SORCS1: variants seen among roughly 807,000 people sequenced by gnomAD.
SORCS1 encodes sortilin related VPS10 domain containing receptor 1.
A neutral mutation model predicts 146.1 loss-of-function variants in SORCS1; 60 were observed. That is an observed-to-expected ratio of 0.41 (90% CI 0.33 to 0.51). The LOEUF is 0.51. Ranked by LOEUF, SORCS1 falls within the 20% of genes least tolerant of loss-of-function variation. SORCS1 has a pLI of 0.21. For synonymous variants in SORCS1, 637 were observed against 584.0 expected, an observed-to-expected ratio of 1.09 and a Z score of -1.31; for missense variants, 1,352 against 1,487.6, an observed-to-expected ratio of 0.91 and a Z score of 1.50.
At chr10:107,016,647 C>A (rs1402052437) in intron 1 of SORCS1, among the ~76,000 whole-genome samples, 2 of 152,174 alleles carry the variant, frequency 1.3e-5, no homozygotes, top group East Asian at 3.8e-4. Context: ...GACACTTAAG[C>A]ACTAACCATA....
At chr10:106,765,717 A>G (rs1378962021) in intron 4 of SORCS1, among the ~76,000 whole-genome samples, 4 of 151,928 alleles carry the variant, frequency 2.6e-5, no homozygotes, top group Admixed American at 2.0e-4. Context: ...TCCAACTTTC[A>G]TTTCCACCTT....
chr10:107,081,842 A>G (rs1678424544), intron 1 of SORCS1, among the ~76,000 whole-genome samples: 1 of 152,248 alleles, frequency 6.6e-6, no homozygotes, highest in Admixed American at 6.5e-5. Flanking sequence ...ACCACAGAGA[A>G]GAATTCACAA....
intron 4 of SORCS1, among the ~76,000 whole-genome samples, chr10:106,765,824 A>G (rs1859526055): frequency 6.6e-6 from 1 of 151,828 alleles, no homozygotes; most frequent in Non-Finnish European, 1.5e-5. Context: ...TGCAATTGTC[A>G]GTGTCCCTAG....
chr10:107,147,343 G>C (rs906206508), intron 1 of SORCS1, among the ~76,000 whole-genome samples: 1 of 152,032 alleles, frequency 6.6e-6, no homozygotes, highest in African/African-American at 2.4e-5. Flanking sequence ...TCTCCCTCAG[G>C]CCTTTGGCAG....
intron 3 of SORCS1, among the ~76,000 whole-genome samples, chr10:106,790,852 G>A (rs112444678): frequency 9.9e-5 from 15 of 152,208 alleles, no homozygotes; most frequent in African/African-American, 3.4e-4. Flanking sequence ...TTTTCATTTA[G>A]TCATATTATT....
At chr10:106,973,992 G>T (rs1052129439) in intron 1 of SORCS1, among the ~76,000 whole-genome samples, 4 of 152,196 alleles carry the variant, frequency 2.6e-5, no homozygotes, top group Admixed American at 1.3e-4. Flanking sequence ...GTTTGGATCT[G>T]GAGTAGGATA....
intron 2 of SORCS1, among the ~76,000 whole-genome samples, chr10:106,914,196 G>A (rs1439640353): frequency 6.6e-6 from 1 of 152,204 alleles, no homozygotes; most frequent in Non-Finnish European, 1.5e-5. Flanking sequence ...AGGAAGGGAG[G>A]AGGATGCTGG....
chr10:107,096,573 G>A (rs1252618879), intron 1 of SORCS1, among the ~76,000 whole-genome samples: 2 of 152,236 alleles, frequency 1.3e-5, no homozygotes, highest in African/African-American at 4.8e-5. Flanking sequence ...GTGCAGTGAT[G>A]CAATCTTGGC....
chr10:106,832,292 G>A (rs928473055), intron 2 of SORCS1, among the ~76,000 whole-genome samples: 40 of 150,490 alleles, frequency 2.7e-4, no homozygotes, highest in African/African-American at 9.3e-4. Flanking sequence ...GGGTTCGATC[G>A]ATTCTCCTGC....
chr10:106,652,632 G>A, intron 17 of SORCS1, 79 bp from the exon 18 acceptor site: 1 of 1,519,884 alleles, frequency 6.6e-7, no homozygotes, highest in South Asian at 1.2e-5. Flanking sequence ...TAGACATAGT[G>A]CCTAGCCCTG....
rs111571411 is a variant in SORCS1 at position 106,609,955 on chromosome 10, G to A, written c.3033+1956C>T. Among the ~76,000 whole-genome samples the A allele has an allele frequency of 2.1e-3, 326 of 152,276 alleles. 1 individual carries two copies. Among genetic ancestry groups the A allele is most frequent in the African/African-American group, 6.5e-3 (270 of 41,568 alleles). On this transcript the variant is annotated intron_variant, in intron 22 of 25. Transcript: ENST00000263054. ...TGCAGATGAGAAGAGATGGACAGTG[G>A]GTTCGTTAAAGAGCATAAGTCATCC...
intron 3 of SORCS1, among the ~76,000 whole-genome samples, chr10:106,807,098 T>C (rs2136722247): frequency 6.6e-6 from 1 of 152,272 alleles, no homozygotes; most frequent in South Asian, 2.1e-4. Context: ...AGATTACTTC[T>C]CTAAATACTT....
In SORCS1 at chr10:106,729,675, C is replaced by T. The variant is rs139669168; in HGVS notation, c.1024+375G>A. Among the ~76,000 whole-genome samples, 15 of 152,180 alleles carry T rather than the reference C, an allele frequency of 9.9e-5. No homozygotes were observed. The East Asian group carries it at 2.1e-3, about 22-fold the overall frequency. On this transcript the variant is annotated intron_variant, in intron 6 of 25. Coordinates refer to ENST00000263054, the MANE Select transcript of SORCS1 (RefSeq NM_052918.5). The stretch of plus-strand genomic sequence containing the variant: ...AGGGCTGTGCTGGTATCACCACTAT[C>T]AAAATATGCATATTTCTGGATAACC...
chr10:106,726,359 CAAAAAAAAAAAA>C (rs60801871), intron 6 of SORCS1, among the ~76,000 whole-genome samples: 15 of 43,582 alleles, frequency 3.4e-4, no homozygotes, highest in East Asian at 1.6e-3. Flanking sequence ...GCTGCCTTCG[CAAAAAAAAAAAA>C]AAAAAAAAAA....
intron 1 of SORCS1, among the ~76,000 whole-genome samples, chr10:107,026,117 C>T (rs1239675959): frequency 2.6e-5 from 4 of 152,146 alleles, no homozygotes; most frequent in African/African-American, 9.7e-5. Flanking sequence ...GAATACATGA[C>T]CCAAATCTGC....
At position 106,967,113 on chromosome 10, in the gene SORCS1, C is replaced by CAA. The variant is rs34653353; in HGVS notation, c.559-10535_559-10534dup. Among the ~76,000 whole-genome samples the CAA allele has an allele frequency of 8.9e-3, 1,279 of 144,436 alleles. 8 individuals are homozygous for CAA. Among genetic ancestry groups the CAA allele is most frequent in the African/African-American group, 0.017 (685 of 39,420 alleles). 94.8% of individuals were successfully genotyped at this position (144,436 alleles called of 152,430 possible). A position where few individuals can be genotyped will look rare whatever the true frequency, so the allele number is the denominator to read the frequency against. The stretch of plus-strand genomic sequence containing the variant: ...CCCAAGTTCAGAGATGCTATCCACT[C>CAA]AAAAAAAAAAAAAATGCACTCCCTC... On this transcript the variant is annotated intron_variant, in intron 1 of 25. Coordinates refer to ENST00000263054, the MANE Select transcript of SORCS1 (RefSeq NM_052918.5).
At chr10:106,949,371 C>T (rs569599009) in intron 2 of SORCS1, among the ~76,000 whole-genome samples, 46 of 152,284 alleles carry the variant, frequency 3.0e-4, no homozygotes, top group Non-Finnish European at 5.9e-4. Flanking sequence ...TTCCCCTGGA[C>T]GTGGCGTGGA....
intron 6 of SORCS1, among the ~76,000 whole-genome samples, chr10:106,725,922 C>A (rs536048583): frequency 9.3e-6 from 1 of 107,072 alleles, no homozygotes; most frequent in Admixed American, 1.2e-4. Context: ...CAGAGTGAGA[C>A]TCTGTCTCAG....
At chr10:106,752,749 G>T (rs1190946115) in intron 5 of SORCS1, among the ~76,000 whole-genome samples, 1 of 152,134 alleles carries the variant, frequency 6.6e-6, no homozygotes, top group Non-Finnish European at 1.5e-5. Flanking sequence ...TGGTGGTGGA[G>T]CTAAACCAGG....
Sources: gnomAD v4.1 joint callset for allele counts (sites outside exome capture counted in the v4.1 genomes callset) on GRCh38, gnomAD v4.1.1 for gene constraint, MANE v1.5 for transcripts, NCBI Gene and HGNC (gene_info 2026-07-23, HGNC 2026-07-21) for gene names.